UGT1A3: variants seen among roughly 807,000 people sequenced by gnomAD.
UGT1A3 encodes the protein UDP-glucuronosyltransferase 1A3.
In UGT1A3, 31 loss-of-function variants were observed where a neutral mutation model predicts 41.0. That is an observed-to-expected ratio of 0.76 (90% confidence interval 0.57 to 1.02). The LOEUF is 1.02. Ranked by LOEUF, UGT1A3 falls within the 50% of genes least tolerant of loss-of-function variation. The pLI is 0.00. For missense variants in UGT1A3, 737 were observed against 671.0 expected (o/e 1.10, Z -1.09); for synonymous variants, 262 against 257.6 (o/e 1.02, Z -0.17).
Position 233,769,666 on chromosome 2 carries a change from T to C in UGT1A3, c.1307+1227T>C. 1 of 1,592,264 alleles carries C rather than the reference T, an allele frequency of 6.3e-7. No individual in the cohort carries two copies. The highest frequency in any genetic ancestry group is 8.6e-7 in the Non-Finnish European group (1 of 1,169,428). On this transcript the variant is annotated intron_variant, in intron 4 of 4. Transcript: ENST00000482026. This position sits in a 1 kb window ranked among gnomAD's most constrained non-coding sequence, Gnocchi z 4.4. ...GATGACTGACTTCCCACCTTTGAGG[T>C]GCTAATGTGTGTGTGGTGGCACTGG...
chr2:233,762,443 C>A (rs1698075308), intron 1 of UGT1A3, among the ~76,000 whole-genome samples: 1 of 152,222 alleles, frequency 6.6e-6, no homozygotes, highest in Non-Finnish European at 1.5e-5. Flanking sequence ...TGTATTCCCA[C>A]TGCCCACTTA....
chr2:233,745,071 G>C (rs981811501), intron 1 of UGT1A3, among the ~76,000 whole-genome samples: 2 of 151,782 alleles, frequency 1.3e-5, no homozygotes. Flanking sequence ...TATTTGTATT[G>C]TTTTTTCATT....
chr2:233,746,992 G>A (rs1559391678), intron 1 of UGT1A3, among the ~76,000 whole-genome samples: 2 of 151,858 alleles, frequency 1.3e-5, no homozygotes, highest in Non-Finnish European at 2.9e-5. Context: ...AGGGTCAGAT[G>A]AGTTTTTCAA....
chr2:233,739,559 G>T (rs1322307786), intron 1 of UGT1A3, among the ~76,000 whole-genome samples: 1 of 152,224 alleles, frequency 6.6e-6, no homozygotes, highest in Non-Finnish European at 1.5e-5. Flanking sequence ...TTTAATGACT[G>T]CCCTGCCTGG....
At chr2:233,759,599 A>ACCCCCCCCCCCCCC (rs1553620419) in intron 1 of UGT1A3, among the ~76,000 whole-genome samples, 9 of 108,650 alleles carry the variant, frequency 8.3e-5, no homozygotes, top group African/African-American at 2.6e-4. Flanking sequence ...CCCACCCCCG[A>ACCCCCCCCCCCCCC]CCCGCCCCAC....
chr2:233,763,174 C>A (rs528142938), intron 1 of UGT1A3, among the ~76,000 whole-genome samples: 1 of 152,302 alleles, frequency 6.6e-6, no homozygotes, highest in East Asian at 1.9e-4. Context: ...GTGTTGACTA[C>A]ATATTTGTTG....
intron 1 of UGT1A3, chr2:233,747,953 T>A (rs1693820704): frequency 6.2e-7 from 1 of 1,613,400 alleles, no homozygotes; most frequent in Admixed American, 1.7e-5. Flanking sequence ...CAGTGGTGGA[T>A]CTTCTCAGCC....
rs141814082 is a variant in UGT1A3, at chr2:233,729,618, C to T, written c.492C>T (p.Tyr164=). The part of the protein sequence containing the change: ...VNLCAAVLAK[Y]LSIPTVFFLR... ...TCTGCGCGGCAGTGCTGGCTAAGTACCTGTCGATTCCTACTGTGTTTTTTT... is the reference window on the plus strand; with the variant it reads ...TCTGCGCGGCAGTGCTGGCTAAGTATCTGTCGATTCCTACTGTGTTTTTTT... Residue 164 remains tyrosine, a synonymous_variant, in exon 1 of 5, where the codon TAC becomes TAT. Transcript: ENST00000482026. The T allele has an allele frequency of 3.1e-6, 5 of 1,613,838 alleles. No homozygotes were observed. The South Asian group carries it at 4.4e-5, about 14-fold the overall frequency.
chr2:233,760,224 G>A, intron 1 of UGT1A3: 1 of 1,586,310 alleles, frequency 6.3e-7, no homozygotes. Flanking sequence ...TGTATCGATT[G>A]GTTTTTGCCA....
chr2:233,757,296 G>T (rs1428870685), intron 1 of UGT1A3, among the ~76,000 whole-genome samples: 51 of 129,586 alleles, frequency 3.9e-4, no homozygotes, highest in African/African-American at 1.4e-3. Flanking sequence ...ACAGCTGGGG[G>T]TTGGGGGACA....
rs1004907287 is a variant in UGT1A3 at position 233,772,662 on chromosome 2, T to C, written c.*103T>C. 14 of 1,540,212 alleles carry C rather than the reference T, an allele frequency of 9.1e-6. No individual in the cohort carries two copies. The highest frequency in any genetic ancestry group is 8.3e-5 in the African/African-American group (6 of 72,644). On this transcript the variant is annotated 3_prime_UTR_variant, in exon 5 of 5. Coordinates refer to ENST00000482026, the MANE Select transcript of UGT1A3 (RefSeq NM_019093.4). ...ATTCATTTTATTCTTATTAAGGAAA[T>C]ACTTTGCATAAATTAATCAGCCCCA...
At chr2:233,749,022 T>C (rs1694084845) in intron 1 of UGT1A3, among the ~76,000 whole-genome samples, 1 of 151,722 alleles carries the variant, frequency 6.6e-6, no homozygotes, top group African/African-American at 2.4e-5. Flanking sequence ...ATCCAGAATA[T>C]TTGGGGTTCA....
chr2:233,738,299 G>A (rs1452652479), intron 1 of UGT1A3, among the ~76,000 whole-genome samples: 1 of 152,208 alleles, frequency 6.6e-6, no homozygotes, highest in Non-Finnish European at 1.5e-5. Flanking sequence ...TCTTGGGTAT[G>A]TCTTTATAGC....
At chr2:233,760,974 G>C in intron 1 of UGT1A3, 1 of 1,614,120 alleles carries the variant, frequency 6.2e-7, no homozygotes, top group Non-Finnish European at 8.5e-7. Flanking sequence ...TTTATTCCCC[G>C]TATGCAACCC....
chr2:233,766,972 C>T, intron 1 of UGT1A3, 62 bp from the exon 2 acceptor site: 2 of 1,611,258 alleles, frequency 1.2e-6, no homozygotes, highest in South Asian at 1.1e-5. Context: ...TCATAACTTA[C>T]TGTATGTAGT....
intron 1 of UGT1A3, chr2:233,754,871 T>A: frequency 1.5e-6 from 2 of 1,352,992 alleles, no homozygotes; most frequent in African/African-American, 1.5e-5. Context: ...ACCCTCTGCT[T>A]CTGCTTCCCA....
intron 1 of UGT1A3, among the ~76,000 whole-genome samples, chr2:233,732,436 GTTTTAGGTCTAACA>G (rs2078272762): frequency 1.3e-5 from 2 of 152,194 alleles, no homozygotes; most frequent in Admixed American, 6.5e-5. Context: ...GATTTTTATG[GTTTTAGGTCTAACA>G]TTTGAGTCTT....
At chr2:233,733,439 G>A (rs1332999216) in intron 1 of UGT1A3, among the ~76,000 whole-genome samples, 1 of 152,168 alleles carries the variant, frequency 6.6e-6, no homozygotes, top group East Asian at 1.9e-4. Context: ...GATATTGGCT[G>A]CGGGTTTGTC....
chr2:233,731,217 A>G (rs1429069865), intron 1 of UGT1A3, among the ~76,000 whole-genome samples: 2 of 151,714 alleles, frequency 1.3e-5, no homozygotes, highest in Non-Finnish European at 2.9e-5. Flanking sequence ...GTTTATTTAG[A>G]TTTGTAAAAA....
Sources: allele counts gnomAD v4.1 joint callset (sites outside exome capture counted in the v4.1 genomes callset), GRCh38; gene constraint gnomAD v4.1.1; non-coding constraint Gnocchi (gnomAD v3.1); transcripts MANE v1.5; gene names NCBI Gene and HGNC (gene_info 2026-07-23, HGNC 2026-07-21).